Variants in NCKAP1 observed in about 807,000 individuals in gnomAD.
NCKAP1 encodes the protein NCK associated protein 1.
A neutral mutation model predicts 151.2 loss-of-function variants in NCKAP1; 21 were observed. The ratio of observed to expected loss-of-function variants is 0.14; its 90% CI spans 0.10 to 0.20. The LOEUF (loss-of-function observed/expected upper bound fraction) is 0.20, where lower values mean the gene tolerates loss of function less well. Ranked by LOEUF, NCKAP1 falls within the 10% of genes least tolerant of loss-of-function variation. The pLI, the probability that NCKAP1 is intolerant of heterozygous loss-of-function variation, is 1.00. For synonymous variants in NCKAP1, 484 were observed against 451.8 expected, an observed-to-expected ratio of 1.07 and a Z score of -0.90; for missense variants, 933 against 1,352.1, an observed-to-expected ratio of 0.69 and a Z score of 4.86.
At chr2:182,947,272 G>C (rs1697126885) in intron 23 of NCKAP1, 1 of 152,088 alleles carries the variant, frequency 6.6e-6, no homozygotes, top group Non-Finnish European at 1.5e-5. Flanking sequence ...CCTGGGGAGG[G>C]GTGACTCATT....
chr2:182,940,467 T>C (rs1275761758), intron 24 of NCKAP1, among the ~76,000 whole-genome samples: 1 of 151,944 alleles, frequency 6.6e-6, no homozygotes, highest in East Asian at 1.9e-4. Flanking sequence ...GAAATAGAGT[T>C]TTGCTCTTGT....
At chr2:182,986,729 G>A (rs1158579805) in intron 9 of NCKAP1, among the ~76,000 whole-genome samples, 3 of 152,100 alleles carry the variant, frequency 2.0e-5, no homozygotes, top group East Asian at 3.9e-4. Context: ...AGCATTTGCC[G>A]ACTTCAAATT....
chr2:183,004,506 A>C (rs1297436091), intron 2 of NCKAP1, among the ~76,000 whole-genome samples: 1 of 151,418 alleles, frequency 6.6e-6, no homozygotes, highest in Non-Finnish European at 1.5e-5. Context: ...AAAAAAAAAA[A>C]ACAGCAAGCA....
intron 24 of NCKAP1, among the ~76,000 whole-genome samples, chr2:182,940,111 T>A (rs1696965112): frequency 1.3e-5 from 2 of 152,184 alleles, no homozygotes; most frequent in South Asian, 4.1e-4. Context: ...TACTGAACAC[T>A]GCAGCGGATT....
At chr2:182,978,609 A>T (rs1233682407) in intron 14 of NCKAP1, among the ~76,000 whole-genome samples, 1 of 152,152 alleles carries the variant, frequency 6.6e-6, no homozygotes, top group Non-Finnish European at 1.5e-5. Context: ...TGTTTTTGTT[A>T]CAAAATGCTT....
intron 2 of NCKAP1, among the ~76,000 whole-genome samples, chr2:183,020,923 T>TTATA (rs1698786678): frequency 1.3e-5 from 2 of 152,122 alleles, no homozygotes; most frequent in African/African-American, 4.8e-5. Context: ...TCACAAGACT[T>TTATA]TATATATGCC....
intron 23 of NCKAP1, among the ~76,000 whole-genome samples, chr2:182,951,093 A>C (rs952605005): frequency 2.6e-5 from 4 of 151,688 alleles, no homozygotes; most frequent in African/African-American, 9.7e-5. Flanking sequence ...CGGCCTCCCA[A>C]AGTGCTGGAT....
intron 24 of NCKAP1, among the ~76,000 whole-genome samples, chr2:182,936,156 G>T (rs1391023687): frequency 6.6e-6 from 1 of 151,924 alleles, no homozygotes; most frequent in African/African-American, 2.4e-5. Flanking sequence ...TACTTGGGAG[G>T]CTAAGATGGG....
chr2:182,961,451 C>T (rs920355731), intron 18 of NCKAP1, among the ~76,000 whole-genome samples: 27 of 152,092 alleles, frequency 1.8e-4, no homozygotes, highest in African/African-American at 6.3e-4. Context: ...AAGCTGGAAA[C>T]CATCATTCTC....
intron 28 of NCKAP1, 24 bp from the exon 29 acceptor site, chr2:182,928,250 T>C: frequency 6.6e-7 from 1 of 1,517,606 alleles, no homozygotes; most frequent in Non-Finnish European, 9.1e-7. Flanking sequence ...AATAGGGTTG[T>C]GTAGACCCCA....
At chr2:182,932,710 T>C (rs116274495) in intron 26 of NCKAP1, among the ~76,000 whole-genome samples, 247 of 152,220 alleles carry the variant, frequency 1.6e-3, no homozygotes, top group African/African-American at 5.4e-3. Context: ...TGCTGGAAAC[T>C]AAACATGATT....
At chr2:182,960,803 G>A (rs765699953) in intron 18 of NCKAP1, among the ~76,000 whole-genome samples, 7 of 152,118 alleles carry the variant, frequency 4.6e-5, no homozygotes, top group Non-Finnish European at 1.0e-4. Flanking sequence ...GCAACCTAAA[G>A]AATGGGAGAA....
chr2:182,951,723 T>A (rs989908744), intron 23 of NCKAP1, among the ~76,000 whole-genome samples: 6 of 152,056 alleles, frequency 3.9e-5, no homozygotes, highest in African/African-American at 1.4e-4. Context: ...AAATGTTTAT[T>A]TTAAAACATG....
chr2:182,944,447 CT>C (rs1697058453), intron 23 of NCKAP1, among the ~76,000 whole-genome samples: 2 of 152,058 alleles, frequency 1.3e-5, no homozygotes, highest in Admixed American at 1.3e-4. Context: ...CAAAACAATT[CT>C]TTTGGCAGAC....
intron 1 of NCKAP1, among the ~76,000 whole-genome samples, chr2:183,033,717 A>G (rs992126911): frequency 2.0e-5 from 3 of 152,236 alleles, no homozygotes; most frequent in Non-Finnish European, 4.4e-5. Flanking sequence ...TAAAATAGTC[A>G]ACTATGCAAT....
At chr2:183,027,899 T>C (rs1453270994) in intron 1 of NCKAP1, among the ~76,000 whole-genome samples, 2 of 152,158 alleles carry the variant, frequency 1.3e-5, no homozygotes, top group African/African-American at 4.8e-5. Flanking sequence ...TATCTTTCTA[T>C]TACATCTACA....
In NCKAP1 at chr2:182,967,634, A is replaced by C. The variant is rs114280455; in HGVS notation, c.1483-273T>G. Among the ~76,000 whole-genome samples the C allele has an allele frequency of 4.0e-4, 61 of 152,328 alleles. 2 individuals are homozygous for C. The East Asian group carries it at 7.5e-3, about 19-fold the overall frequency. ...TCAAAGGAACTGAAGTTAAAATATC[A>C]AAAGTGTAAAACAATTAATTGTCAT... On this transcript the variant is annotated intron_variant, in intron 15 of 30. Coordinates refer to ENST00000361354, the MANE Select transcript of NCKAP1 (RefSeq NM_013436.5).
chr2:182,915,563 G>A lies in NCKAP1; in HGVS notation c.*10139C>T, dbSNP rs573165991. ...TGGTCCTCCCTGTACGATCAGCTGCGAAAGAACTGCCAGTGCAATCTTGAG... is the reference window on the plus strand; with the variant it reads ...TGGTCCTCCCTGTACGATCAGCTGCAAAAGAACTGCCAGTGCAATCTTGAG... On this transcript the variant is annotated 3_prime_UTR_variant, in exon 31 of 31. Coordinates refer to ENST00000361354, the MANE Select transcript of NCKAP1 (RefSeq NM_013436.5). 19 of 152,274 alleles carry A rather than the reference G, an allele frequency of 1.2e-4. No homozygotes were observed. Among genetic ancestry groups the A allele is most frequent in the Non-Finnish European group, 5.9e-5 (4 of 68,032 alleles). The allele number at this position is 152,274 out of a possible 1,614,324, so 9.4% of individuals were successfully genotyped here.
chr2:182,971,133 G>A (rs1376321438), intron 15 of NCKAP1, among the ~76,000 whole-genome samples: 1 of 152,038 alleles, frequency 6.6e-6, no homozygotes, highest in Non-Finnish European at 1.5e-5. Context: ...GGTGGCTCAC[G>A]CCTGTAATCC....
Sources: allele counts gnomAD v4.1 joint callset (sites outside exome capture counted in the v4.1 genomes callset), GRCh38; gene constraint gnomAD v4.1.1; transcripts MANE v1.5; gene names NCBI Gene and HGNC (gene_info 2026-07-23, HGNC 2026-07-21).